TTC7B: variants seen among roughly 807,000 people sequenced by gnomAD.
TTC7B encodes the protein tetratricopeptide repeat protein 7B.
TTC7B carries 28 observed loss-of-function variants against 106.8 expected under a neutral mutation model. The observed-to-expected ratio is 0.26, with a 90% confidence interval of 0.19 to 0.36. The LOEUF (loss-of-function observed/expected upper bound fraction) is 0.36, where lower values mean the gene tolerates loss of function less well. TTC7B is among the 10% of genes least tolerant of loss of function. The pLI is 1.00. For synonymous variants in TTC7B, 405 were observed against 430.6 expected, an observed-to-expected ratio of 0.94 and a Z score of 0.74; for missense variants, 862 against 1,076.4, an observed-to-expected ratio of 0.80 and a Z score of 2.79.
chr14:90,769,824 G>C (rs951077201), intron 3 of TTC7B, among the ~76,000 whole-genome samples: 3 of 152,048 alleles, frequency 2.0e-5, no homozygotes, highest in Non-Finnish European at 4.4e-5. Context: ...AGCAGGGATG[G>C]CTATACTGAT....
At chr14:90,616,041 A>AT (rs1226869134) in intron 16 of TTC7B, among the ~76,000 whole-genome samples, 1 of 151,990 alleles carries the variant, frequency 6.6e-6, no homozygotes, top group Non-Finnish European at 1.5e-5. Context: ...CAATTCTGCT[A>AT]TTTTTTTCTC....
At position 90,617,945 on chromosome 14, in the gene TTC7B, T is replaced by C; in HGVS notation, c.1852A>G (p.Asn618Asp). The change falls in exon 16 of 20, where the codon AAC (asparagine) becomes GAC (aspartate). Residue 618 changes from asparagine (N) to aspartate (D), a missense_variant. By Grantham distance (23) the Asn-to-Asp change is conservative. Transcript: ENST00000328459. ...HMLQIWKSCY[N>D]LTNPSDSGRG... is the part of the protein sequence containing the mutation. ...GCCTCTTACCTGGGGTTGGTGAGGT[T>C]GTAGCAGGATTTCCATATCTGCAGC... 1 of 1,613,722 alleles carries C rather than the reference T, an allele frequency of 6.2e-7. No homozygotes were observed.
In TTC7B at chr14:90,657,267, G is replaced by A. The variant is rs199763419; in HGVS notation, c.1248C>T (p.Ala416=). Reference sequence around the variant, plus strand: ...GGATACACTCTTTCAGCACCTTCACGGCACGGGCAGACTTGGCAAGAGAAG... The same window carrying A: ...GGATACACTCTTTCAGCACCTTCACAGCACGGGCAGACTTGGCAAGAGAAG... ...SLMAAGKSAR[A]VKVLKECIRL... Residue 416 remains alanine (A), a synonymous_variant, in exon 11 of 20, where the codon GCC becomes GCT. Transcript: ENST00000328459. This position sits in a 1 kb window ranked among gnomAD's most constrained non-coding sequence, Gnocchi z 4.2. 9.9e-6 allele frequency: 16 copies of A among 1,613,750 alleles called. No homozygotes were observed. The highest frequency in any genetic ancestry group is 4.5e-5 in the East Asian group (2 of 44,866).
At chr14:90,568,983 C>A (rs1033974125) in intron 19 of TTC7B, among the ~76,000 whole-genome samples, 7 of 152,230 alleles carry the variant, frequency 4.6e-5, no homozygotes, top group African/African-American at 1.7e-4. Context: ...CACACCTGTT[C>A]CACCAGTACC....
At chr14:90,755,087 A>G (rs1344554241) in intron 3 of TTC7B, among the ~76,000 whole-genome samples, 1 of 152,136 alleles carries the variant, frequency 6.6e-6, no homozygotes, top group South Asian at 2.1e-4. Flanking sequence ...CGGATACACC[A>G]CTTTCTATTT....
chr14:90,780,913 GC>G lies in TTC7B; in HGVS notation c.277-8del, dbSNP rs755831683. On this transcript the variant is annotated splice_region_variant and splice_polypyrimidine_tract_variant and intron_variant, in intron 2 of 19. Coordinates refer to ENST00000328459, the MANE Select transcript of TTC7B (RefSeq NM_001010854.2). Reference sequence around the variant, plus strand: ...ATTCTTGTAGGAATTCTGACTAGAAGCAAAAGGAGAGAAAGAAAAGCATTTT... The same window carrying G: ...ATTCTTGTAGGAATTCTGACTAGAAGAAAAGGAGAGAAAGAAAAGCATTTT... 1 of 1,613,528 alleles carries G rather than the reference GC, an allele frequency of 6.2e-7. No homozygotes were observed. The highest frequency in any genetic ancestry group is 8.5e-7 in the Non-Finnish European group (1 of 1,179,528).
intron 3 of TTC7B, among the ~76,000 whole-genome samples, chr14:90,767,715 T>G (rs567596403): frequency 9.9e-5 from 15 of 152,086 alleles, no homozygotes; most frequent in African/African-American, 3.6e-4. Context: ...ACTAAGACAC[T>G]GAAGAACAAA....
rs747325089 is a variant in TTC7B at position 90,608,735 on chromosome 14, CT to C, written c.1966+2006del. ...ATCTGAAGAGGGAGACTCTCAAGCA[CT>C]CTAGGAAAAATGTCCCAATGGGCAA... On this transcript the variant is annotated intron_variant, in intron 17 of 19. Transcript: ENST00000328459. The surrounding 1 kb of genome is among the most constrained non-coding windows in gnomAD (Gnocchi z 5.1). Among the ~76,000 whole-genome samples, 6 of 152,178 alleles carry C rather than the reference CT, an allele frequency of 3.9e-5. No individual in the cohort carries two copies. The highest frequency in any genetic ancestry group is 7.3e-5 in the Non-Finnish European group (5 of 68,032).
At chr14:90,733,651 C>T (rs1444001029) in intron 4 of TTC7B, among the ~76,000 whole-genome samples, 1 of 152,186 alleles carries the variant, frequency 6.6e-6, no homozygotes, top group Non-Finnish European at 1.5e-5. Context: ...AACAAGCGTC[C>T]TTAACAAGCG....
rs1275598789 is a variant in TTC7B at position 90,578,832 on chromosome 14, G to A, written c.2108-524C>T. Among the ~76,000 whole-genome samples the A allele has an allele frequency of 3.9e-5, 6 of 152,066 alleles. No individual in the cohort carries two copies. Among genetic ancestry groups the A allele is most frequent in the Non-Finnish European group, 7.4e-5 (5 of 67,974 alleles). ...TTCACAGGCGTGATGCAAGATGGCTGCCCCGCCACACCTGGCCCCTGAGCT... is the reference window on the plus strand; with the variant it reads ...TTCACAGGCGTGATGCAAGATGGCTACCCCGCCACACCTGGCCCCTGAGCT... On this transcript the variant is annotated intron_variant, in intron 18 of 19. Coordinates refer to ENST00000328459, the MANE Select transcript of TTC7B (RefSeq NM_001010854.2). This position sits in a 1 kb window ranked among gnomAD's most constrained non-coding sequence, Gnocchi z 4.7.
At chr14:90,769,391 A>G (rs934623894) in intron 3 of TTC7B, among the ~76,000 whole-genome samples, 1 of 152,238 alleles carries the variant, frequency 6.6e-6, no homozygotes, top group African/African-American at 2.4e-5. Context: ...GAATGGATTT[A>G]AAAAACATGA....
intron 11 of TTC7B, 37 bp from the exon 12 acceptor site, chr14:90,655,147 G>T: frequency 1.3e-6 from 2 of 1,508,026 alleles, no homozygotes; most frequent in Non-Finnish European, 1.8e-6. Context: ...ACAACAACCT[G>T]CAGAATTTCT....
chr14:90,753,417 C>T (rs978928001), intron 3 of TTC7B, among the ~76,000 whole-genome samples: 2 of 152,212 alleles, frequency 1.3e-5, no homozygotes, highest in South Asian at 2.1e-4. Context: ...TGAAAAGAGA[C>T]TCAAGAAAAG....
intron 15 of TTC7B, among the ~76,000 whole-genome samples, chr14:90,620,806 C>T (rs145427954): frequency 6.6e-6 from 1 of 152,228 alleles, no homozygotes; most frequent in Non-Finnish European, 1.5e-5. Context: ...TTTGAGCAAG[C>T]CTTCTTGGCT....
intron 14 of TTC7B, chr14:90,644,939 G>A (rs535955221): frequency 1.3e-5 from 2 of 152,324 alleles, no homozygotes; most frequent in Admixed American, 1.3e-4. Context: ...TGCAACAGCT[G>A]TTCAAGACTT....
chr14:90,793,200 C>T (rs1047183053), intron 1 of TTC7B, among the ~76,000 whole-genome samples: 2 of 152,116 alleles, frequency 1.3e-5, no homozygotes, highest in African/African-American at 4.8e-5. Flanking sequence ...CCTGAGACCT[C>T]CCCAGCCATG....
rs761873937 is a variant in TTC7B at position 90,540,862 on chromosome 14, G to A, written c.*506C>T. On this transcript the variant is annotated 3_prime_UTR_variant, in exon 20 of 20. Transcript: ENST00000328459. ...TGATCACATGGTACAATTATTGACA[G>A]TAAAACCAAGAAATTGTCAGCTGGT... 1.0e-3 allele frequency: 161 copies of A among 155,198 alleles called. No individual in the cohort carries two copies. The highest frequency in any genetic ancestry group is 3.2e-4 in the Non-Finnish European group (22 of 69,382). 9.6% of individuals were successfully genotyped at this position (155,198 alleles called of 1,614,324 possible). A position where few individuals can be genotyped will look rare whatever the true frequency, so the allele number is the denominator to read the frequency against.
At position 90,816,196 on chromosome 14, in the gene TTC7B, A is replaced by C; in HGVS notation, c.100T>G (p.Ser34Ala). The stretch of plus-strand genomic sequence containing the variant: ...GTACCGTTGGCGATGAGCTTGGCCG[A>C]CAGCTGCTTGACGAGCTCAGGGATC... The part of the protein sequence containing the change: ...ERIPELVKQL[S>A]AKLIANDDMA... The change falls in exon 1 of 20, where the codon TCG becomes GCG. Residue 34 changes from serine to alanine, a missense_variant. By Grantham distance (99) the Ser-to-Ala change is moderately conservative. Coordinates refer to ENST00000328459, the MANE Select transcript of TTC7B (RefSeq NM_001010854.2). 1 of 1,266,906 alleles carries C rather than the reference A, an allele frequency of 7.9e-7. No individual in the cohort carries two copies. Among genetic ancestry groups the C allele is most frequent in the Middle Eastern group, 2.3e-4 (1 of 4,340 alleles). The allele number at this position is 1,266,906 out of a possible 1,614,324, so 78.5% of individuals were successfully genotyped here.
chr14:90,711,268 G>A (rs1420787102), intron 5 of TTC7B, among the ~76,000 whole-genome samples: 2 of 151,982 alleles, frequency 1.3e-5, no homozygotes, highest in African/African-American at 4.8e-5. Context: ...TTGTGTAAAG[G>A]GAAAATTAAT....
Sources: allele counts gnomAD v4.1 joint callset (sites outside exome capture counted in the v4.1 genomes callset), GRCh38; gene constraint gnomAD v4.1.1; non-coding constraint Gnocchi (gnomAD v3.1); transcripts MANE v1.5; gene names NCBI Gene and HGNC (gene_info 2026-07-23, HGNC 2026-07-21).